THADA: variants seen among roughly 807,000 people sequenced by gnomAD.
The protein encoded by THADA is THADA armadillo repeat containing.
Under a neutral mutation model 219.8 loss-of-function variants are expected in THADA, and 213 were observed. The ratio of observed to expected loss-of-function variants is 0.97; its 90% CI spans 0.87 to 1.09. The LOEUF is 1.09. THADA is among the 50% of genes least tolerant of loss of function. The pLI is 0.00. For missense variants in THADA, 2,956 were observed against 2,311.3 expected, an observed-to-expected ratio of 1.28 and a Z score of -5.72; for synonymous variants, 1,018 against 828.9, an observed-to-expected ratio of 1.23 and a Z score of -3.92.
At chr2:43,411,032 C>A (rs1373541659) in intron 28 of THADA, among the ~76,000 whole-genome samples, 2 of 152,176 alleles carry the variant, frequency 1.3e-5, no homozygotes, top group African/African-American at 4.8e-5. Context: ...ACTTTTACAA[C>A]CAGAATTAAT....
chr2:43,422,269 C>T (rs544810737), intron 28 of THADA, among the ~76,000 whole-genome samples: 51 of 152,248 alleles, frequency 3.3e-4, no homozygotes, highest in Non-Finnish European at 4.0e-4. Flanking sequence ...AGAAATTATG[C>T]GCCTTCTACC....
chr2:43,232,584 G>T, intron 37 of THADA, 129 bp downstream of exon 37: 1 of 1,025,612 alleles, frequency 9.8e-7, no homozygotes, highest in South Asian at 1.6e-5. Context: ...CACCCAGTGG[G>T]TGACTTTCCT....
At chr2:43,443,553 T>C (rs1274409701) in intron 26 of THADA, among the ~76,000 whole-genome samples, 1 of 152,114 alleles carries the variant, frequency 6.6e-6, no homozygotes, top group East Asian at 1.9e-4. Flanking sequence ...CAAACGTTTA[T>C]CTATGTGATC....
chr2:43,579,024 G>T (rs138129182), intron 8 of THADA, among the ~76,000 whole-genome samples: 1 of 152,132 alleles, frequency 6.6e-6, no homozygotes, highest in African/African-American at 2.4e-5. Context: ...TAGAGATGGG[G>T]TTTCACCACG....
intron 23 of THADA, among the ~76,000 whole-genome samples, chr2:43,507,004 A>G (rs1689759427): frequency 1.3e-5 from 2 of 152,212 alleles, no homozygotes; most frequent in African/African-American, 4.8e-5. Context: ...TATATTGAAA[A>G]TATTTTTTAA....
intron 29 of THADA, among the ~76,000 whole-genome samples, 172 bp downstream of exon 29, chr2:43,397,799 G>A (rs769366247): frequency 3.9e-5 from 6 of 151,960 alleles, no homozygotes; most frequent in Admixed American, 3.3e-4. Flanking sequence ...TGATATTTGG[G>A]ATGAAAAAAG....
intron 30 of THADA, among the ~76,000 whole-genome samples, chr2:43,341,849 G>T (rs1667096805): frequency 6.6e-6 from 1 of 152,188 alleles, no homozygotes; most frequent in Non-Finnish European, 1.5e-5. Context: ...GAGCCACACA[G>T]AAGGCAAATG....
Position 43,297,466 on chromosome 2 carries a change from CG to C in THADA, c.4439-4254del, listed in dbSNP as rs1328979578. Among the ~76,000 whole-genome samples, 3 of 110,696 alleles carry C rather than the reference CG, an allele frequency of 2.7e-5. 1 individual carries two copies. Among genetic ancestry groups the C allele is most frequent in the Non-Finnish European group, 5.3e-5 (3 of 56,258 alleles). The allele number at this position is 110,696 out of a possible 152,430, so 72.6% of individuals were successfully genotyped here. ...GGGAGGTGGGGGGGGGTCAGCCCCC[CG>C]CCCGGCCAGCCGCCCCATCCGGGAG... On this transcript the variant is annotated intron_variant, in intron 31 of 37. Transcript: ENST00000405975.
At chr2:43,392,639 C>G (rs932440118) in intron 29 of THADA, among the ~76,000 whole-genome samples, 3 of 152,076 alleles carry the variant, frequency 2.0e-5, no homozygotes, top group African/African-American at 7.2e-5. Flanking sequence ...GTTCCCATCA[C>G]GTAAAGATTC....
At position 43,301,811 on chromosome 2, in the gene THADA, C is replaced by G. The variant is rs1676295528; in HGVS notation, c.4439-8598G>C. Among the ~76,000 whole-genome samples, 4 of 152,162 alleles carry G rather than the reference C, an allele frequency of 2.6e-5. No individual in the cohort carries two copies. In the South Asian group the frequency reaches 8.3e-4, roughly 32 times the overall value. On this transcript the variant is annotated intron_variant, in intron 31 of 37. Transcript: ENST00000405975. The stretch of plus-strand genomic sequence containing the variant: ...ACGGCTACTGTTTTAGTGGTACAGT[C>G]TGTTTCCCACTGCAGGTAGAGTTCG...
chr2:43,414,441 C>T (rs565402839), intron 28 of THADA, among the ~76,000 whole-genome samples: 3 of 152,196 alleles, frequency 2.0e-5, no homozygotes, highest in East Asian at 1.9e-4. Context: ...GCTAGGTATT[C>T]GAAGTCAGAG....
At chr2:43,265,648 G>C (rs899150025) in intron 36 of THADA, among the ~76,000 whole-genome samples, 3 of 152,186 alleles carry the variant, frequency 2.0e-5, no homozygotes, top group Non-Finnish European at 4.4e-5. Context: ...GGAGCTGAAT[G>C]AGAAGCCCAC....
At chr2:43,278,181 C>T (rs992865043) in intron 36 of THADA, among the ~76,000 whole-genome samples, 1 of 152,036 alleles carries the variant, frequency 6.6e-6, no homozygotes, top group Non-Finnish European at 1.5e-5. Flanking sequence ...GAACTTCTGA[C>T]CGCAAGTGAT....
intron 19 of THADA, 68 bp downstream of exon 19, chr2:43,551,721 A>G: frequency 7.0e-7 from 1 of 1,419,562 alleles, no homozygotes; most frequent in East Asian, 2.5e-5. Flanking sequence ...ACTTGGGGAA[A>G]AAAAAAAAGA....
At chr2:43,553,014 T>G (rs139847392) in intron 17 of THADA, among the ~76,000 whole-genome samples, 1 of 152,320 alleles carries the variant, frequency 6.6e-6, no homozygotes, top group African/African-American at 2.4e-5. Flanking sequence ...GAAACTGGCT[T>G]TTCACTTAGC....
At chr2:43,577,953 CTA>C (rs1206845219) in intron 9 of THADA, among the ~76,000 whole-genome samples, 2 of 151,804 alleles carry the variant, frequency 1.3e-5, no homozygotes, top group Non-Finnish European at 2.9e-5. Context: ...TAAAAAGAAA[CTA>C]AAAGAATGTA....
chr2:43,469,742 A>G (rs1221285479), intron 26 of THADA, among the ~76,000 whole-genome samples: 1 of 152,174 alleles, frequency 6.6e-6, no homozygotes, highest in Non-Finnish European at 1.5e-5. Flanking sequence ...TATGTGGAAA[A>G]TCAGATGGAA....
chr2:43,233,016 G>T (rs1667621381), intron 36 of THADA, 134 bp from the exon 37 acceptor site: 2 of 907,624 alleles, frequency 2.2e-6, no homozygotes, highest in Non-Finnish European at 3.3e-6. Context: ...AGCTGGTAGG[G>T]TGGGCTCACT....
chr2:43,559,089 C>T (rs1415938166), intron 16 of THADA, among the ~76,000 whole-genome samples: 1 of 152,152 alleles, frequency 6.6e-6, no homozygotes, highest in Admixed American at 6.5e-5. Context: ...TGGGGCATCG[C>T]TATTGACACA....
Sources: gnomAD v4.1 joint callset for allele counts (sites outside exome capture counted in the v4.1 genomes callset) on GRCh38, gnomAD v4.1.1 for gene constraint, MANE v1.5 for transcripts, NCBI Gene and HGNC (gene_info 2026-07-23, HGNC 2026-07-21) for gene names.